Variants in JMY observed in about 807,000 individuals in gnomAD.
JMY encodes junction-mediating and -regulatory protein.
Under a neutral mutation model 103.3 loss-of-function variants are expected in JMY, and 46 were observed. The ratio of observed to expected loss-of-function variants is 0.45; its 90% CI spans 0.35 to 0.57. The LOEUF is 0.57. Ranked by LOEUF, JMY falls within the 20% of genes least tolerant of loss-of-function variation. The probability of loss-of-function intolerance (pLI) is 0.00; values close to 1 mark genes in which losing one functional copy is unlikely to be tolerated. For missense variants in JMY, 1,238 were observed against 1,255.2 expected (o/e 0.99, Z 0.21); for synonymous variants, 526 against 489.3 (o/e 1.07, Z -0.99).
intron 10 of JMY, among the ~76,000 whole-genome samples, chr5:79,318,755 TATATATAGAGAGAGAG>T (rs961397692): frequency 3.4e-4 from 13 of 38,554 alleles, no homozygotes; most frequent in Admixed American, 3.1e-3. Flanking sequence ...TATATATATA[TATATATAGAGAGAGAG>T]AGAGAGAGAG....
intron 10 of JMY, among the ~76,000 whole-genome samples, chr5:79,319,168 A>G (rs1024008816): frequency 6.6e-6 from 1 of 152,210 alleles, no homozygotes; most frequent in African/African-American, 2.4e-5. Flanking sequence ...TGTATACTCA[A>G]GTGGCTGGGA....
At chr5:79,308,557 G>A (rs933894248) in intron 7 of JMY, among the ~76,000 whole-genome samples, 1 of 151,966 alleles carries the variant, frequency 6.6e-6, no homozygotes, top group Admixed American at 6.6e-5. Flanking sequence ...ATTTTGTTTT[G>A]TTCATCTAGG....
chr5:79,286,566 C>T (rs1297569428), intron 2 of JMY, among the ~76,000 whole-genome samples: 1 of 151,666 alleles, frequency 6.6e-6, no homozygotes, highest in Non-Finnish European at 1.5e-5. Context: ...TTGCTTGAGA[C>T]CGGGAGTTGG....
chr5:79,239,789 G>A (rs961654398), intron 1 of JMY, among the ~76,000 whole-genome samples: 1 of 147,986 alleles, frequency 6.8e-6, no homozygotes, highest in Non-Finnish European at 1.5e-5. Flanking sequence ...GAGCCTGGGC[G>A]ACAGAGCGAG....
chr5:79,296,586 T>A (rs974337571), intron 4 of JMY, among the ~76,000 whole-genome samples: 2 of 152,136 alleles, frequency 1.3e-5, no homozygotes, highest in Admixed American at 1.3e-4. Context: ...GGACTCAGAG[T>A]CCCTACTGTC....
chr5:79,282,321 C>T (rs566625633), intron 2 of JMY, among the ~76,000 whole-genome samples: 3 of 152,262 alleles, frequency 2.0e-5, no homozygotes, highest in Admixed American at 2.0e-4. Context: ...GGAGCAAGCA[C>T]CACAGACAAC....
At chr5:79,313,040 CTTACT>C (rs1353067020) in intron 8 of JMY, among the ~76,000 whole-genome samples, 4 of 152,116 alleles carry the variant, frequency 2.6e-5, no homozygotes, top group Non-Finnish European at 5.9e-5. Flanking sequence ...ACTCTGGAGC[CTTACT>C]TCAGTTATGC....
intron 2 of JMY, chr5:79,284,665 T>C: frequency 6.3e-7 from 1 of 1,579,972 alleles, no homozygotes; most frequent in Non-Finnish European, 8.6e-7. Context: ...AGTAATCAGC[T>C]TGAATTTTCT....
intron 8 of JMY, among the ~76,000 whole-genome samples, chr5:79,313,928 G>A (rs913892126): frequency 1.3e-5 from 2 of 152,138 alleles, no homozygotes; most frequent in Non-Finnish European, 2.9e-5. Flanking sequence ...GCACAATCTC[G>A]GCTCACTGCA....
At chr5:79,307,802 G>A (rs527337473) in intron 7 of JMY, among the ~76,000 whole-genome samples, 2 of 152,170 alleles carry the variant, frequency 1.3e-5, no homozygotes, top group Admixed American at 6.5e-5. Flanking sequence ...GCAGTGGCGC[G>A]ATCTCGGCTC....
chr5:79,241,412 A>G (rs1453637115), intron 1 of JMY, among the ~76,000 whole-genome samples: 2 of 152,242 alleles, frequency 1.3e-5, no homozygotes, highest in Non-Finnish European at 2.9e-5. Flanking sequence ...GTTGTAAGTA[A>G]AATTTTTATA....
intron 1 of JMY, among the ~76,000 whole-genome samples, chr5:79,246,571 C>T (rs1382115820): frequency 6.6e-6 from 1 of 152,088 alleles, no homozygotes; most frequent in Non-Finnish European, 1.5e-5. Flanking sequence ...ATACTGCTGC[C>T]TCATAGAGTG....
At chr5:79,267,880 A>G (rs1192464311) in intron 1 of JMY, among the ~76,000 whole-genome samples, 4 of 152,170 alleles carry the variant, frequency 2.6e-5, no homozygotes, top group African/African-American at 9.7e-5. Context: ...AAAGTTTCCA[A>G]CTCATTTGGA....
intron 4 of JMY, among the ~76,000 whole-genome samples, chr5:79,297,915 T>C (rs916677281): frequency 1.3e-5 from 2 of 152,170 alleles, no homozygotes; most frequent in African/African-American, 4.8e-5. Context: ...CAGTTTGATT[T>C]TTGATATTGA....
chr5:79,277,923 A>G lies in JMY; in HGVS notation c.1046A>G (p.His349Arg). Residue 349 changes from histidine to arginine, a missense_variant, in exon 2 of 11, where the codon CAC becomes CGC. By Grantham distance (29) the His-to-Arg change is conservative. Coordinates refer to ENST00000396137, the MANE Select transcript of JMY (RefSeq NM_152405.5). ...CTTGTTCCACAGCTCTTGGATAAGCACAAGAATACAGAGAGCATGGTGGAG... is the reference window on the plus strand; with the variant it reads ...CTTGTTCCACAGCTCTTGGATAAGCGCAAGAATACAGAGAGCATGGTGGAG... ...RKRIQELLDK[H>R]KNTESMVELL... is the part of the protein sequence containing the mutation. 1 of 1,611,878 alleles carries G rather than the reference A, an allele frequency of 6.2e-7. No individual in the cohort carries two copies. Among genetic ancestry groups the G allele is most frequent in the Non-Finnish European group, 8.5e-7 (1 of 1,178,688 alleles).
At chr5:79,302,152 A>G (rs1746754971) in intron 6 of JMY, among the ~76,000 whole-genome samples, 1 of 151,980 alleles carries the variant, frequency 6.6e-6, no homozygotes, top group African/African-American at 2.4e-5. Context: ...GGGGAGAATG[A>G]AAAGTAAATA....
chr5:79,245,917 A>C (rs182099433), intron 1 of JMY, among the ~76,000 whole-genome samples: 23 of 152,196 alleles, frequency 1.5e-4, no homozygotes, highest in African/African-American at 5.3e-4. Context: ...GAGCCACTGC[A>C]CCCAGCCTGT....
chr5:79,238,725 G>A (rs529474879), intron 1 of JMY, among the ~76,000 whole-genome samples: 21 of 143,904 alleles, frequency 1.5e-4, no homozygotes, highest in African/African-American at 5.2e-4. Flanking sequence ...TGGGCTCACT[G>A]CAGCCTCCCC....
At chr5:79,319,612 A>C (rs1247673125) in intron 10 of JMY, among the ~76,000 whole-genome samples, 1 of 147,666 alleles carries the variant, frequency 6.8e-6, no homozygotes, top group African/African-American at 2.5e-5. Flanking sequence ...ACTGAGTTTC[A>C]CTCTTGTTGC....
Sources: gnomAD v4.1 joint callset for allele counts (sites outside exome capture counted in the v4.1 genomes callset) on GRCh38, gnomAD v4.1.1 for gene constraint, MANE v1.5 for transcripts, NCBI Gene and HGNC (gene_info 2026-07-23, HGNC 2026-07-21) for gene names.